The following SMG6 variants were observed in gnomAD, a reference collection of about 807,000 sequenced individuals.
SMG6 encodes telomerase-binding protein EST1A.
A neutral mutation model predicts 142.2 loss-of-function variants in SMG6; 66 were observed. The observed-to-expected ratio is 0.46, with a 90% CI of 0.38 to 0.57. SMG6 has a LOEUF of 0.57. SMG6 is among the 20% of genes least tolerant of loss of function. The pLI is 0.00. For synonymous variants in SMG6, 779 were observed against 702.4 expected (o/e 1.11, Z -1.72); for missense variants, 1,793 against 1,832.0 (o/e 0.98, Z 0.39).
chr17:2,098,003 G>A (rs1027584475), intron 13 of SMG6, among the ~76,000 whole-genome samples: 3 of 152,102 alleles, frequency 2.0e-5, no homozygotes, highest in African/African-American at 7.2e-5. Flanking sequence ...TTCTTGGGGG[G>A]CGGGGGACAG....
chr17:2,230,206 AAAAAAAAAAAAAAAAG>A lies in SMG6; in HGVS notation c.2869+6270_2869+6285del, dbSNP rs1435753483. ...GTCTCCAAAAAAAAAAAAAAAAAAA[AAAAAAAAAAAAAAAAG>A]GAAAAGAAAGGAAAAGAAAAGTGTC... is the stretch of plus-strand genomic sequence containing the variant. On this transcript the variant is annotated intron_variant, in intron 10 of 18. Coordinates refer to ENST00000263073, the MANE Select transcript of SMG6 (RefSeq NM_017575.5). Among the ~76,000 whole-genome samples, 43 of 117,168 alleles carry A rather than the reference AAAAAAAAAAAAAAAAG, an allele frequency of 3.7e-4. 3 individuals are homozygous for A. Among genetic ancestry groups the A allele is most frequent in the Admixed American group, 1.1e-3 (10 of 9,226 alleles). The allele number at this position is 117,168 out of a possible 152,430, so 76.9% of individuals were successfully genotyped here. A position where few individuals can be genotyped will look rare whatever the true frequency, so the allele number is the denominator to read the frequency against.
intron 13 of SMG6, among the ~76,000 whole-genome samples, chr17:2,168,189 A>C (rs891197867): frequency 1.3e-5 from 2 of 151,362 alleles, no homozygotes; most frequent in African/African-American, 2.4e-5. Flanking sequence ...TTTTTTTAAA[A>C]AAATTTTATT....
intron 8 of SMG6, among the ~76,000 whole-genome samples, chr17:2,274,299 T>C (rs748480427): frequency 9.9e-5 from 15 of 152,216 alleles, no homozygotes; most frequent in Admixed American, 2.0e-4. Flanking sequence ...TTTACAATCC[T>C]AGCACAAAAC....
Position 2,292,993 on chromosome 17 carries a change from C to T in SMG6, c.2152-16G>A, listed in dbSNP as rs1377988473. On this transcript the variant is annotated splice_polypyrimidine_tract_variant and intron_variant, in intron 4 of 18. Coordinates refer to ENST00000263073, the MANE Select transcript of SMG6 (RefSeq NM_017575.5). ...CATATTTTACCTTCAGGAAAAACAA[C>T]CAGTTAGTAGAAAAGCCAAGAAACA... 7 of 1,583,180 alleles carry T rather than the reference C, an allele frequency of 4.4e-6. No homozygotes were observed. Among genetic ancestry groups the T allele is most frequent in the Non-Finnish European group, 5.2e-6 (6 of 1,151,930 alleles).
At chr17:2,278,519 A>G (rs2074711904) in intron 8 of SMG6, among the ~76,000 whole-genome samples, 3 of 152,148 alleles carry the variant, frequency 2.0e-5, no homozygotes, top group African/African-American at 7.2e-5. Context: ...CTATATATAC[A>G]TTACTGTTTA....
intron 13 of SMG6, among the ~76,000 whole-genome samples, chr17:2,108,497 G>A (rs898460456): frequency 2.0e-5 from 3 of 152,150 alleles, no homozygotes; most frequent in African/African-American, 7.2e-5. Flanking sequence ...CAAACCTGCA[G>A]GTGCACACCT....
intron 6 of SMG6, among the ~76,000 whole-genome samples, chr17:2,291,022 T>C (rs914513117): frequency 6.6e-6 from 1 of 152,010 alleles, no homozygotes; most frequent in East Asian, 1.9e-4. Flanking sequence ...CAGGTCTCCT[T>C]TGGGGTGATG....
At chr17:2,282,390 C>CAAA (rs576759563) in intron 8 of SMG6, among the ~76,000 whole-genome samples, 62 of 84,298 alleles carry the variant, frequency 7.4e-4, no homozygotes, top group African/African-American at 1.0e-3. Context: ...CAAAAAGCAG[C>CAAA]AAAAAAAAAA....
At chr17:2,276,250 C>T (rs112526940) in intron 8 of SMG6, among the ~76,000 whole-genome samples, 15 of 152,280 alleles carry the variant, frequency 9.9e-5, no homozygotes, top group African/African-American at 2.9e-4. Context: ...CAGAGAACTG[C>T]ATCCAGTTGA....
At chr17:2,088,263 G>C (rs2151441138) in intron 13 of SMG6, 1 of 985,444 alleles carries the variant, frequency 1.0e-6, no homozygotes. Context: ...GGCCGACAGG[G>C]AGAAAAGCCA....
Position 2,081,859 on chromosome 17 carries a change from G to A in SMG6, c.3632C>T (p.Ala1211Val), listed in dbSNP as rs762847871. ...DIRELRAKKL[A>V]LARKIAEQQR... ...CTGCTCAGCTATCTTCCTGGCCAGAGCCAGCTTCTTGGCCCGAAGCTCCCT... is the reference window on the plus strand; with the variant it reads ...CTGCTCAGCTATCTTCCTGGCCAGAACCAGCTTCTTGGCCCGAAGCTCCCT... The change falls in exon 15 of 19, where the codon GCT becomes GTT. Residue 1211 changes from alanine (A) to valine (V), a missense_variant. Physicochemically the swap from Ala to Val is moderately conservative, Grantham distance 64. Coordinates refer to ENST00000263073, the MANE Select transcript of SMG6 (RefSeq NM_017575.5). 2 of 1,613,928 alleles carry A rather than the reference G, an allele frequency of 1.2e-6. No homozygotes were observed.
chr17:2,099,933 G>A (rs1372928836), intron 13 of SMG6, among the ~76,000 whole-genome samples: 2 of 152,122 alleles, frequency 1.3e-5, no homozygotes, highest in Non-Finnish European at 2.9e-5. Flanking sequence ...TGAGATTTCC[G>A]CTCACTGCAA....
At chr17:2,231,157 A>T (rs937318840) in intron 10 of SMG6, among the ~76,000 whole-genome samples, 13 of 152,196 alleles carry the variant, frequency 8.5e-5, no homozygotes, top group African/African-American at 3.1e-4. Context: ...ACAGAGGAGC[A>T]TACTGCTTTT....
At chr17:2,102,528 A>ATTTT (rs374584197) in intron 13 of SMG6, among the ~76,000 whole-genome samples, 4 of 81,606 alleles carry the variant, frequency 4.9e-5, no homozygotes, top group South Asian at 4.2e-4. Context: ...TGCTAATTTC[A>ATTTT]TTTTTTTTTT....
chr17:2,085,231 A>C lies in SMG6; in HGVS notation c.3534+494T>G, dbSNP rs1253731167. Reference sequence around the variant, plus strand: ...CAACCAAGGGCAAACAAACAAGAGGAGAATTCCTTAATCACATCAGGATGT... The same window carrying C: ...CAACCAAGGGCAAACAAACAAGAGGCGAATTCCTTAATCACATCAGGATGT... On this transcript the variant is annotated intron_variant, in intron 14 of 18. Transcript: ENST00000263073. This position sits in a 1 kb window ranked among gnomAD's most constrained non-coding sequence, Gnocchi z 4.1. 6.7e-6 allele frequency among the ~76,000 whole-genome samples: 1 copy of C among 148,978 alleles called. No individual in the cohort carries two copies. Among genetic ancestry groups the C allele is most frequent in the Non-Finnish European group, 1.5e-5 (1 of 67,112 alleles).
intron 12 of SMG6, among the ~76,000 whole-genome samples, chr17:2,179,429 C>G (rs1017858098): frequency 6.6e-6 from 1 of 152,124 alleles, no homozygotes; most frequent in African/African-American, 2.4e-5. Context: ...TGGAAGCTCC[C>G]TAAGGAAGTC....
At chr17:2,165,402 C>A (rs563918119) in intron 13 of SMG6, among the ~76,000 whole-genome samples, 14 of 152,328 alleles carry the variant, frequency 9.2e-5, no homozygotes, top group Non-Finnish European at 1.9e-4. Context: ...CCACTTGGTC[C>A]CCTTCCCACT....
At chr17:2,137,418 A>G (rs2070338974) in intron 13 of SMG6, among the ~76,000 whole-genome samples, 1 of 152,150 alleles carries the variant, frequency 6.6e-6, no homozygotes, top group Non-Finnish European at 1.5e-5. Context: ...GATGTGAGCC[A>G]AAGTGTCATT....
At chr17:2,081,769 A>G in intron 15 of SMG6, 41 bp downstream of exon 15, 1 of 1,608,428 alleles carries the variant, frequency 6.2e-7, no homozygotes, top group South Asian at 1.1e-5. Flanking sequence ...CCTAGACAGC[A>G]ACCCCCATAG....
Sources: gnomAD v4.1 joint callset for allele counts (sites outside exome capture counted in the v4.1 genomes callset) on GRCh38, gnomAD v4.1.1 for gene constraint, Gnocchi (gnomAD v3.1) non-coding constraint, MANE v1.5 for transcripts, NCBI Gene and HGNC (gene_info 2026-07-23, HGNC 2026-07-21) for gene names.